The following CPA5 variants were observed in gnomAD, a reference collection of about 807,000 sequenced individuals.
CPA5 encodes testicular tissue protein Li 32.
CPA5 carries 38 observed loss-of-function variants against 52.2 expected under a neutral mutation model. That is an observed-to-expected ratio of 0.73 (90% CI 0.56 to 0.95). CPA5 has a LOEUF of 0.95. Among genes scored for constraint, CPA5 ranks in the 40% least tolerant of loss-of-function variants. The pLI is 0.00. For missense variants in CPA5, 519 were observed against 566.7 expected (o/e 0.92, Z 0.86); for synonymous variants, 198 against 213.7 (o/e 0.93, Z 0.64).
rs1368526158 is a variant in CPA5 at position 130,350,078 on chromosome 7, T to C, written c.302T>C (p.Leu101Pro). 1 of 1,613,832 alleles carries C rather than the reference T, an allele frequency of 6.2e-7. No individual in the cohort carries two copies. Among genetic ancestry groups the C allele is most frequent in the African/African-American group, 1.3e-5 (1 of 75,054 alleles). Residue 101 changes from leucine (L) to proline (P), a missense_variant, in exon 5 of 13, where the codon CTT becomes CCT. By Grantham distance (98) the Leu-to-Pro change is moderately conservative (BLOSUM62 -3). Transcript: ENST00000474905. ...DIKAYLESHG[L>P]AYSIMIKDIQ... Reference sequence around the variant, plus strand: ...AAAGCTTATCTGGAGTCTCATGGACTTGCTTACAGCATCATGATAAAGGAC... The same window carrying C: ...AAAGCTTATCTGGAGTCTCATGGACCTGCTTACAGCATCATGATAAAGGAC...
chr7:130,363,961 G>C (rs80054979), intron 10 of CPA5, among the ~76,000 whole-genome samples: 1,590 of 152,276 alleles, frequency 0.01, 11 homozygotes, highest in Middle Eastern at 0.048. Context: ...GCTAGGACCT[G>C]AAATCTGCCC....
At chr7:130,353,289 T>C (rs1431782217) in intron 5 of CPA5, among the ~76,000 whole-genome samples, 2 of 152,000 alleles carry the variant, frequency 1.3e-5, no homozygotes, top group Middle Eastern at 3.4e-3. Context: ...CCCTCGACAA[T>C]GTCACACGCA....
intron 5 of CPA5, among the ~76,000 whole-genome samples, chr7:130,358,527 C>A (rs988780641): frequency 3.9e-5 from 6 of 152,162 alleles, no homozygotes; most frequent in South Asian, 4.1e-4. Flanking sequence ...CATAAAGAAG[C>A]TTGGTCAACT....
chr7:130,348,150 G>A (rs12533242), intron 4 of CPA5, among the ~76,000 whole-genome samples: 38,705 of 152,024 alleles, frequency 0.25, 5,983 homozygotes, highest in East Asian at 0.41. Flanking sequence ...AAAGCCACAC[G>A]GGTGGGAGGG....
intron 5 of CPA5, among the ~76,000 whole-genome samples, chr7:130,357,729 C>G (rs1327506553): frequency 6.6e-6 from 1 of 152,016 alleles, no homozygotes; most frequent in African/African-American, 2.4e-5. Context: ...TCTATCTTAG[C>G]AGGCATTGCG....
At chr7:130,372,224 G>A (rs891757872), downstream of CPA5, among the ~76,000 whole-genome samples, 2 of 152,146 alleles carry the variant, frequency 1.3e-5, no homozygotes, top group Admixed American at 6.5e-5. Context: ...CATCATGTGC[G>A]AGCTACATGA....
At chr7:130,346,289 G>A (rs1794731902) in intron 2 of CPA5, 104 bp from the exon 3 acceptor site, 1 of 465,050 alleles carries the variant, frequency 2.2e-6, no homozygotes, top group East Asian at 3.4e-5. Flanking sequence ...CCCTTCCCAG[G>A]AGAGGATGTG....
At chr7:130,347,699 C>T (rs1794853734) in intron 3 of CPA5, 67 bp from the exon 4 acceptor site, 1 of 1,408,594 alleles carries the variant, frequency 7.1e-7, no homozygotes, top group Middle Eastern at 1.8e-4. Context: ...TCTGCCCCTT[C>T]CAAGTGACAC....
chr7:130,350,741 T>C (rs1795085874), intron 5 of CPA5, among the ~76,000 whole-genome samples: 3 of 152,182 alleles, frequency 2.0e-5, no homozygotes, highest in African/African-American at 7.2e-5. Context: ...GACACCCCAG[T>C]CTCCCTGCTG....
chr7:130,358,513 T>C (rs1186865770), intron 5 of CPA5, among the ~76,000 whole-genome samples: 1 of 152,198 alleles, frequency 6.6e-6, no homozygotes, highest in Non-Finnish European at 1.5e-5. Flanking sequence ...AGTGAGATCA[T>C]GAACATAAAG....
intron 5 of CPA5, among the ~76,000 whole-genome samples, chr7:130,351,471 A>G (rs887482986): frequency 2.0e-5 from 3 of 152,124 alleles, no homozygotes; most frequent in Non-Finnish European, 2.9e-5. Flanking sequence ...CTCTCCCCAC[A>G]TCCGCAGCCC....
At chr7:130,348,552 C>T (rs1332479047) in intron 4 of CPA5, among the ~76,000 whole-genome samples, 3 of 152,176 alleles carry the variant, frequency 2.0e-5, no homozygotes, top group African/African-American at 4.8e-5. Flanking sequence ...CCTACTTCTG[C>T]GGGGATGGGA....
chr7:130,361,509 G>A (rs1795789646), intron 7 of CPA5, among the ~76,000 whole-genome samples: 1 of 152,156 alleles, frequency 6.6e-6, no homozygotes, highest in Non-Finnish European at 1.5e-5. Flanking sequence ...CTGCAGATTG[G>A]CAGTTGTCAC....
In CPA5 at chr7:130,353,541, C is replaced by G. The variant is rs979983373; in HGVS notation, c.333+3432C>G. On this transcript the variant is annotated intron_variant, in intron 5 of 12. Transcript: ENST00000474905. ...CTCCCCTGGCCCTTCATCGGTGCCT[C>G]CACAGCCCTCTTTATCTCAGGAAAT... Among the ~76,000 whole-genome samples the G allele has an allele frequency of 8.5e-5, 13 of 152,178 alleles. 1 individual carries two copies. The highest frequency in any genetic ancestry group is 3.3e-4 in the Admixed American group (5 of 15,272).
intron 4 of CPA5, among the ~76,000 whole-genome samples, chr7:130,348,313 T>A (rs905783244): frequency 1.3e-5 from 2 of 152,190 alleles, no homozygotes; most frequent in Non-Finnish European, 2.9e-5. Flanking sequence ...CTCTGCAGGT[T>A]TTCACAATGG....
Position 130,367,993 on chromosome 7 carries a change from G to A in CPA5, c.1123+3G>A, listed in dbSNP as rs1554409035. The A allele has an allele frequency of 2.5e-6, 4 of 1,613,756 alleles. No homozygotes were observed. The highest frequency in any genetic ancestry group is 3.4e-6 in the Non-Finnish European group (4 of 1,179,606). ...TGGCAGCATCAGCACCACCCTCTGT[G>A]AGTGAGCCTCCCCTGGCCCTGCTTC... On this transcript the variant is annotated splice_donor_region_variant and intron_variant, in intron 12 of 12. Transcript: ENST00000474905.
At chr7:130,346,851 C>T (rs1794780411) in intron 3 of CPA5, among the ~76,000 whole-genome samples, 1 of 151,976 alleles carries the variant, frequency 6.6e-6, no homozygotes, top group South Asian at 2.1e-4. Context: ...CTCCAAGAAT[C>T]CCCTGAAACC....
rs782165753 is a variant in CPA5, at chr7:130,361,129, T to A, written c.433-14T>A. The stretch of plus-strand genomic sequence containing the variant: ...CTGCTTAACTGCCAATCTTACACAC[T>A]TCTTTCCTTTCAGATATATAGCTGG... On this transcript the variant is annotated splice_polypyrimidine_tract_variant and intron_variant, in intron 6 of 12. Transcript: ENST00000474905. 1.1e-5 allele frequency: 17 copies of A among 1,565,310 alleles called. No individual in the cohort carries two copies. In the South Asian group the frequency reaches 1.8e-4, roughly 16 times the overall value.
intron 5 of CPA5, among the ~76,000 whole-genome samples, chr7:130,359,192 G>A (rs1393922935): frequency 6.6e-6 from 1 of 152,210 alleles, no homozygotes; most frequent in African/African-American, 2.4e-5. Context: ...TAGACTGTGA[G>A]CACCTTTTTT....
Sources: allele counts gnomAD v4.1 joint callset (sites outside exome capture counted in the v4.1 genomes callset), GRCh38; gene constraint gnomAD v4.1.1; transcripts MANE v1.5; gene names NCBI Gene and HGNC (gene_info 2026-07-23, HGNC 2026-07-21).